The following TENM1 variants were observed in gnomAD, a reference collection of about 807,000 sequenced individuals.
TENM1 encodes the protein teneurin transmembrane protein 1.
Under a neutral mutation model 174.8 loss-of-function variants are expected in TENM1, and 35 were observed. The observed-to-expected ratio is 0.20, with a 90% confidence interval of 0.15 to 0.27. TENM1 has a LOEUF of 0.27. Ranked by LOEUF, TENM1 falls within the 10% of genes least tolerant of loss-of-function variation. The probability of loss-of-function intolerance (pLI) is 1.00; values close to 1 mark genes in which losing one functional copy is unlikely to be tolerated. For missense variants in TENM1, 1,633 were observed against 2,130.1 expected (o/e 0.77, Z 4.59); for synonymous variants, 781 against 798.7 (o/e 0.98, Z 0.37).
chrX:125,050,025 G>C, the TENM1 span, among the ~76,000 whole-genome samples: 1 of 109,387 alleles, frequency 9.1e-6, no homozygotes, highest in Non-Finnish European at 1.9e-5. Flanking sequence ...AAGTTTAAAA[G>C]TGCTCATCAG....
At chrX:125,045,143 A>G in the TENM1 span, among the ~76,000 whole-genome samples, 1 of 111,538 alleles carries the variant, frequency 9.0e-6, no homozygotes, top group Admixed American at 9.5e-5. Context: ...AAACACTTAT[A>G]AAACCATCAG....
intron 11 of TENM1, among the ~76,000 whole-genome samples, chrX:124,616,860 G>GA (rs1267849176): frequency 9.0e-6 from 1 of 110,917 alleles, no homozygotes; most frequent in African/African-American, 3.3e-5. Flanking sequence ...ATTCAAAGAA[G>GA]AAAAAAAATG....
chrX:124,715,635 CCTTTT>C (rs756455280), intron 4 of TENM1, among the ~76,000 whole-genome samples: 18 of 101,720 alleles, frequency 1.8e-4, no homozygotes, highest in African/African-American at 3.2e-4. Flanking sequence ...CTTTTCTTTT[CCTTTT>C]CTTTTCTTTT....
chrX:124,377,111 CT>C lies in TENM1; in HGVS notation c.*3424del, dbSNP rs1394720277. The C allele has an allele frequency of 2.8e-5, 3 of 107,943 alleles. No individual in the cohort carries two copies. In the Admixed American group the frequency reaches 3.0e-4, roughly 11 times the overall value. The allele number at this position is 107,943 out of a possible 1,213,427, so 8.9% of individuals were successfully genotyped here. On this transcript the variant is annotated 3_prime_UTR_variant, in exon 32 of 32. Transcript: ENST00000422452. ...AAGTGATATTATAGTGGGGCCTGGT[CT>C]AGTTAAAAATATATTTTTAAAGAAA...
chrX:125,114,019 C>T, the TENM1 span, among the ~76,000 whole-genome samples: 1 of 111,233 alleles, frequency 9.0e-6, no homozygotes, highest in Admixed American at 9.6e-5. Flanking sequence ...AAGTAAAACA[C>T]TCCTCAGCAA....
intron 3 of TENM1, among the ~76,000 whole-genome samples, chrX:124,777,903 A>G (rs772024714): frequency 1.4e-4 from 16 of 112,733 alleles, no homozygotes; most frequent in Non-Finnish European, 1.5e-4. Flanking sequence ...CTAGTATTCA[A>G]CTCTACCAGT....
At chrX:124,843,203 G>C (rs1443409248) in intron 3 of TENM1, among the ~76,000 whole-genome samples, 1 of 111,540 alleles carries the variant, frequency 9.0e-6, no homozygotes, top group Non-Finnish European at 1.9e-5. Context: ...AATCAACAGT[G>C]CACCTGTAAT....
chrX:124,834,480 T>A (rs1047700920), intron 3 of TENM1, among the ~76,000 whole-genome samples: 1 of 111,874 alleles, frequency 8.9e-6, no homozygotes, highest in Non-Finnish European at 1.9e-5. Flanking sequence ...CCAGAGTATG[T>A]TATTTTAATA....
At chrX:124,586,694 T>C (rs1404380143) in intron 11 of TENM1, among the ~76,000 whole-genome samples, 2 of 105,152 alleles carry the variant, frequency 1.9e-5, no homozygotes, top group East Asian at 3.0e-4. Context: ...CCAGGGCAAT[T>C]AGGCAGGAGA....
chrX:125,105,121 T>C, the TENM1 span, among the ~76,000 whole-genome samples: 1 of 111,869 alleles, frequency 8.9e-6, no homozygotes, highest in Non-Finnish European at 1.9e-5. Flanking sequence ...ATTGTGCATG[T>C]GACAAGGTTT....
chrX:124,824,715 T>C (rs994925561), intron 3 of TENM1, among the ~76,000 whole-genome samples: 11 of 112,105 alleles, frequency 9.8e-5, no homozygotes, highest in African/African-American at 3.2e-4. Flanking sequence ...GGCTTCAAAA[T>C]CTAACCACTC....
chrX:125,187,779 C>T, the TENM1 span, among the ~76,000 whole-genome samples: 7 of 109,179 alleles, frequency 6.4e-5, no homozygotes, highest in African/African-American at 1.0e-4. Context: ...TGTGTGTGTA[C>T]GTATTTATAT....
the TENM1 span, among the ~76,000 whole-genome samples, chrX:125,024,970 C>T: frequency 9.0e-6 from 1 of 110,913 alleles, no homozygotes; most frequent in Admixed American, 9.6e-5. Context: ...CCTTATGGTT[C>T]ACTGTTACTT....
chrX:124,862,228 A>G (rs1273335579), intron 3 of TENM1, among the ~76,000 whole-genome samples: 1 of 112,042 alleles, frequency 8.9e-6, no homozygotes, highest in Non-Finnish European at 1.9e-5. Flanking sequence ...CAGAATAGAA[A>G]GTTCCACCCA....
chrX:124,661,117 A>T lies in TENM1; in HGVS notation c.1169-7334T>A, dbSNP rs184659030. 3.6e-5 allele frequency among the ~76,000 whole-genome samples: 4 copies of T among 111,665 alleles called. No individual in the cohort carries two copies. The East Asian group carries it at 1.1e-3, about 32-fold the overall frequency. Reference sequence around the variant, plus strand: ...CTATATGAAATGTAGAAATAGGCAAATCTATAGAGACAGTAGATTAGTGGT... The same window carrying T: ...CTATATGAAATGTAGAAATAGGCAATTCTATAGAGACAGTAGATTAGTGGT... On this transcript the variant is annotated intron_variant, in intron 6 of 31. Coordinates refer to ENST00000422452, the Ensembl canonical transcript of TENM1.
intron 6 of TENM1, among the ~76,000 whole-genome samples, chrX:124,660,016 G>A (rs2051552200): frequency 9.0e-6 from 1 of 111,716 alleles, no homozygotes; most frequent in African/African-American, 3.3e-5. Context: ...GGCTAAAGCT[G>A]TACAATTCTC....
At chrX:124,963,394 C>T (rs2058683885) in intron 1 of TENM1, 143 bp downstream of exon 4, 1 of 511,973 alleles carries the variant, frequency 2.0e-6, no homozygotes, top group Middle Eastern at 5.8e-4. Context: ...CTGACATATG[C>T]AATAGATTCT....
intron 11 of TENM1, among the ~76,000 whole-genome samples, chrX:124,633,730 G>A (rs1442315728): frequency 1.8e-5 from 2 of 110,876 alleles, no homozygotes; most frequent in Non-Finnish European, 3.8e-5. Flanking sequence ...AAGGCCTGGG[G>A]TGACAAATCA....
chrX:124,438,819 T>C (rs756303217), intron 23 of TENM1, among the ~76,000 whole-genome samples: 1 of 111,153 alleles, frequency 9.0e-6, no homozygotes, highest in African/African-American at 3.3e-5. Flanking sequence ...TGATAACAGG[T>C]TATTATATTG....
Sources: gnomAD v4.1 joint callset for allele counts (sites outside exome capture counted in the v4.1 genomes callset) on GRCh38, gnomAD v4.1.1 for gene constraint, MANE v1.5 for transcripts, NCBI Gene and HGNC (gene_info 2026-07-23, HGNC 2026-07-21) for gene names.